PPP4R2: variants seen among roughly 807,000 people sequenced by gnomAD.
The protein encoded by PPP4R2 is protein phosphatase 4 regulatory subunit 2.
A neutral mutation model predicts 47.2 loss-of-function variants in PPP4R2; 13 were observed. That is an observed-to-expected ratio of 0.28 (90% CI 0.18 to 0.44). The LOEUF (loss-of-function observed/expected upper bound fraction) is 0.44, where lower values mean the gene tolerates loss of function less well. Ranked by LOEUF, PPP4R2 falls within the 20% of genes least tolerant of loss-of-function variation. The pLI is 1.00. For synonymous variants in PPP4R2, 151 were observed against 163.3 expected (o/e 0.92, Z 0.57); for missense variants, 421 against 491.2 (o/e 0.86, Z 1.35).
chr3:73,031,737 A>G (rs1702167863), intron 2 of PPP4R2, among the ~76,000 whole-genome samples: 1 of 152,142 alleles, frequency 6.6e-6, no homozygotes, highest in Non-Finnish European at 1.5e-5. Context: ...GTGGTCTAAC[A>G]CAGGTCTTTC....
At chr3:73,047,533 C>T (rs979376562) in intron 3 of PPP4R2, among the ~76,000 whole-genome samples, 177 bp downstream of exon 3, 2 of 152,114 alleles carry the variant, frequency 1.3e-5, no homozygotes, top group Admixed American at 6.5e-5. Context: ...TATTTGTAGC[C>T]TCTTAAAAAA....
intron 2 of PPP4R2, among the ~76,000 whole-genome samples, chr3:73,010,901 A>G (rs575612873): frequency 2.0e-5 from 3 of 152,328 alleles, no homozygotes; most frequent in South Asian, 2.1e-4. Flanking sequence ...GACATTATCA[A>G]ATATTTCATA....
intron 2 of PPP4R2, among the ~76,000 whole-genome samples, chr3:73,007,302 C>CT (rs1701629010): frequency 1.3e-5 from 2 of 151,930 alleles, no homozygotes; most frequent in Admixed American, 1.3e-4. Context: ...GTTTGAAGTT[C>CT]TTTGTGTTCA....
intron 3 of PPP4R2, among the ~76,000 whole-genome samples, chr3:73,048,833 A>G (rs1702545056): frequency 6.6e-6 from 1 of 152,208 alleles, no homozygotes; most frequent in African/African-American, 2.4e-5. Context: ...GGTTTGCTTT[A>G]TATCATATTC....
At chr3:73,063,567 T>G in intron 5 of PPP4R2, 106 bp from the exon 6 acceptor site, 2 of 649,244 alleles carry the variant, frequency 3.1e-6, no homozygotes, top group Non-Finnish European at 5.5e-6. Flanking sequence ...GAGGTTGCAG[T>G]GAGCTGAGAT....
chr3:73,041,070 GA>G (rs777463187), intron 2 of PPP4R2, among the ~76,000 whole-genome samples: 3 of 152,086 alleles, frequency 2.0e-5, no homozygotes, highest in Non-Finnish European at 4.4e-5. Flanking sequence ...AATGTAATCA[GA>G]AAAAACACAT....
rs551584409 is a variant in PPP4R2 at position 72,997,705 on chromosome 3, C to T, written c.35-372C>T. ...GGACGGCAACTTGGGGTAGTTGGTGCTTCTTAGAAAGGCAGATTTATGGAC... is the reference window on the plus strand; with the variant it reads ...GGACGGCAACTTGGGGTAGTTGGTGTTTCTTAGAAAGGCAGATTTATGGAC... On this transcript the variant is annotated intron_variant, in intron 1 of 8. Transcript: ENST00000356692. Among the ~76,000 whole-genome samples the T allele has an allele frequency of 6.6e-5, 10 of 152,270 alleles. No homozygotes were observed. The South Asian group carries it at 1.9e-3, about 28-fold the overall frequency.
intron 1 of PPP4R2, among the ~76,000 whole-genome samples, chr3:72,997,642 GT>G (rs1381482344): frequency 6.6e-6 from 1 of 152,152 alleles, no homozygotes; most frequent in Admixed American, 6.5e-5. Context: ...AGATTTCAGC[GT>G]TTTGAGAATT....
At chr3:73,061,354 T>C (rs1292149708) in intron 5 of PPP4R2, 1 of 184,408 alleles carries the variant, frequency 5.4e-6, no homozygotes, top group East Asian at 1.3e-4. Flanking sequence ...CCATTCTAGA[T>C]GCCTTTCCAG....
Position 73,061,007 on chromosome 3 carries a change from AT to A in PPP4R2, c.382-11del, listed in dbSNP as rs757531254. 1.0e-5 allele frequency: 16 copies of A among 1,543,502 alleles called. 1 individual carries two copies. The South Asian group carries it at 1.5e-4, about 14-fold the overall frequency. ...TACTTTTCTTCATACTAAATCACTG[AT>A]TTTTGTTATTGCAGAATGTGATGGT... On this transcript the variant is annotated splice_polypyrimidine_tract_variant and intron_variant, in intron 4 of 8. Coordinates refer to ENST00000356692, the MANE Select transcript of PPP4R2 (RefSeq NM_174907.4).
At chr3:73,032,574 A>G (rs1371326766) in intron 2 of PPP4R2, among the ~76,000 whole-genome samples, 2 of 152,208 alleles carry the variant, frequency 1.3e-5, no homozygotes, top group Non-Finnish European at 2.9e-5. Flanking sequence ...GGCGTGAGCC[A>G]CCGTGCCCAG....
At chr3:73,063,390 G>C (rs1054112128) in intron 5 of PPP4R2, 1 of 263,016 alleles carries the variant, frequency 3.8e-6, no homozygotes, top group Non-Finnish European at 7.4e-6. Flanking sequence ...TTGGGAGGCC[G>C]AGGTGGGCCG....
chr3:72,998,094 A>G lies in PPP4R2; in HGVS notation c.52A>G (p.Lys18Glu), dbSNP rs1230961376. ...EALKDFEKRG[K>E]KEVCPVLDQF... The stretch of plus-strand genomic sequence containing the variant: ...TCATCTAGATTTTGAGAAGAGGGGG[A>G]AAAAGGAAGTTTGTCCTGTCCTGGA... Residue 18 changes from lysine to glutamate, a missense_variant, in exon 2 of 9, where the codon AAA (lysine) becomes GAA (glutamate). Physicochemically the swap from Lys to Glu is moderately conservative, Grantham distance 56. This residue lies in a region of PPP4R2 where 104 missense variants were observed against 203.7 expected (regional missense o/e 0.51). Transcript: ENST00000356692. The G allele has an allele frequency of 3.7e-6, 6 of 1,601,032 alleles. No homozygotes were observed. Among genetic ancestry groups the G allele is most frequent in the African/African-American group, 2.7e-5 (2 of 74,010 alleles).
chr3:73,062,460 G>A (rs771486094), intron 5 of PPP4R2: 5 of 1,612,610 alleles, frequency 3.1e-6, no homozygotes, highest in East Asian at 2.2e-5. Flanking sequence ...CCCAAGTTTA[G>A]TATTCTTGTG....
chr3:73,062,058 A>T, intron 5 of PPP4R2: 1 of 1,478,780 alleles, frequency 6.8e-7, no homozygotes, highest in South Asian at 1.3e-5. Context: ...AAAGAAGTGC[A>T]GAGTCAAGTC....
intron 2 of PPP4R2, among the ~76,000 whole-genome samples, chr3:73,005,998 C>T (rs370192346): frequency 6.6e-6 from 1 of 152,040 alleles, no homozygotes; most frequent in Non-Finnish European, 1.5e-5. Flanking sequence ...TTGCTCATGC[C>T]CCATTGTAAT....
chr3:73,031,913 A>G (rs188260666), intron 2 of PPP4R2, among the ~76,000 whole-genome samples: 8 of 152,338 alleles, frequency 5.3e-5, no homozygotes, highest in Non-Finnish European at 1.2e-4. Context: ...TTTGCTAAGC[A>G]CTTTGCTTAC....
At chr3:73,054,930 T>A (rs1702698527) in intron 3 of PPP4R2, among the ~76,000 whole-genome samples, 2 of 152,192 alleles carry the variant, frequency 1.3e-5, no homozygotes, top group African/African-American at 4.8e-5. Context: ...CTACTTTATG[T>A]TAAGATGTCT....
At chr3:73,018,407 C>CGTTATGTTATGTTATGTTAT (rs11282207) in intron 2 of PPP4R2, among the ~76,000 whole-genome samples, 1,508 of 96,106 alleles carry the variant, frequency 0.016, 78 homozygotes, top group East Asian at 0.023. Context: ...CTGTCATAGT[C>CGTTATGTTATGTTATGTTAT]GTTATGTTAT....
Sources: allele counts gnomAD v4.1 joint callset (sites outside exome capture counted in the v4.1 genomes callset), GRCh38; gene constraint gnomAD v4.1.1; regional missense constraint gnomAD v4.1.1; transcripts MANE v1.5; gene names NCBI Gene and HGNC (gene_info 2026-07-23, HGNC 2026-07-21).